COL5A2: variants seen among roughly 807,000 people sequenced by gnomAD.
COL5A2 encodes the protein collagen type V alpha 2 chain, also known as collagen alpha-2(V) chain.
Under a neutral mutation model 208.2 loss-of-function variants are expected in COL5A2, and 23 were observed. That is an observed-to-expected ratio of 0.11 (90% CI 0.08 to 0.16). COL5A2 has a LOEUF of 0.16. Ranked by LOEUF, COL5A2 falls within the 10% of genes least tolerant of loss-of-function variation. COL5A2 has a pLI of 1.00. For synonymous variants in COL5A2, 625 were observed against 628.5 expected (o/e 0.99, Z 0.08); for missense variants, 1,590 against 1,956.4 (o/e 0.81, Z 3.53).
chr2:189,373,594 C>CT, the COL5A2 span, among the ~76,000 whole-genome samples: 3 of 152,178 alleles, frequency 2.0e-5, no homozygotes, highest in Admixed American at 1.3e-4. Flanking sequence ...CACTTTGTAC[C>CT]TTTTTTGTAC....
In COL5A2 at chr2:189,110,381, G is replaced by A. The variant is rs1687237611; in HGVS notation, c.166C>T (p.Pro56Ser). ...QMYLNRDIWK[P>S]APCQICVCDN... is the part of the protein sequence containing the mutation. ...CAGACACAGATCTGACAAGGGGCAG[G>A]TTTCCAAATGTCCCTGTTTAAGTAC... Residue 56 changes from proline to serine, a missense_variant, in exon 2 of 54, where the codon CCT becomes TCT. Pro to Ser is a moderately conservative substitution (Grantham distance 74). Coordinates refer to ENST00000374866, the MANE Select transcript of COL5A2 (RefSeq NM_000393.5). The A allele has an allele frequency of 6.2e-6, 10 of 1,614,022 alleles. No individual in the cohort carries two copies. The highest frequency in any genetic ancestry group is 4.4e-5 in the South Asian group (4 of 91,090).
the COL5A2 span, among the ~76,000 whole-genome samples, chr2:189,414,243 A>G: frequency 6.6e-6 from 1 of 152,196 alleles, no homozygotes; most frequent in Non-Finnish European, 1.5e-5. Context: ...ATTTACATAC[A>G]ACCCTCTTGA....
chr2:189,280,840 T>C, the COL5A2 span, among the ~76,000 whole-genome samples: 1 of 152,090 alleles, frequency 6.6e-6, no homozygotes, highest in Non-Finnish European at 1.5e-5. Flanking sequence ...GCAACTATTT[T>C]ACTTTGGACT....
At chr2:189,104,617 G>T (rs899357338) in intron 2 of COL5A2, among the ~76,000 whole-genome samples, 7 of 151,770 alleles carry the variant, frequency 4.6e-5, no homozygotes, top group Middle Eastern at 3.4e-3. Context: ...TTATGAGCAA[G>T]GCTGTTTATT....
intron 7 of COL5A2, among the ~76,000 whole-genome samples, chr2:189,090,542 C>T (rs1238880430): frequency 6.6e-6 from 1 of 152,214 alleles, no homozygotes; most frequent in African/African-American, 2.4e-5. Flanking sequence ...AAGAAGATGC[C>T]ATCTAGGACT....
the COL5A2 span, among the ~76,000 whole-genome samples, chr2:189,309,712 G>A: frequency 6.6e-6 from 1 of 152,132 alleles, no homozygotes; most frequent in East Asian, 1.9e-4. Context: ...GTCTTCTGAG[G>A]AGGCAAGAAT....
At chr2:189,068,542 T>G (rs1484204429) in intron 19 of COL5A2, among the ~76,000 whole-genome samples, 2 of 152,118 alleles carry the variant, frequency 1.3e-5, no homozygotes, top group East Asian at 3.9e-4. Context: ...TATTTCAAAA[T>G]AGCTAGAAAA....
intron 23 of COL5A2, among the ~76,000 whole-genome samples, 154 bp downstream of exon 23, chr2:189,066,232 TAGTC>T (rs928997878): frequency 1.3e-5 from 2 of 152,272 alleles, no homozygotes; most frequent in Admixed American, 1.3e-4. Flanking sequence ...GAATAATGAT[TAGTC>T]AGTTGGCTCT....
At chr2:189,069,360 G>C (rs1686221081) in intron 18 of COL5A2, among the ~76,000 whole-genome samples, 1 of 152,060 alleles carries the variant, frequency 6.6e-6, no homozygotes, top group Non-Finnish European at 1.5e-5. Context: ...TCAAAGAATA[G>C]ATATTCTTAA....
At position 189,190,603 on chromosome 2, in the gene COL5A2, T is replaced by C. The variant is rs115569373; in HGVS notation, c.-42+34545A>G. ...ACCACAATGTACTTAATTTCCTAGA[T>C]TTTTCTCAGTATTCTACTCCATTTT... On this transcript the variant is annotated intron_variant, in intron 1 of 10. Coordinates refer to the COL5A2 transcript ENST00000649966. Among the ~76,000 whole-genome samples, 893 of 152,334 alleles carry C rather than the reference T, an allele frequency of 5.9e-3. 15 individuals are homozygous for C. Among genetic ancestry groups the C allele is most frequent in the African/African-American group, 0.019 (792 of 41,574 alleles).
At chr2:189,367,202 T>C in the COL5A2 span, among the ~76,000 whole-genome samples, 1 of 152,132 alleles carries the variant, frequency 6.6e-6, no homozygotes. Flanking sequence ...TAGGAGTATA[T>C]CTGATATTTT....
chr2:189,364,424 C>T, the COL5A2 span, among the ~76,000 whole-genome samples: 1 of 152,186 alleles, frequency 6.6e-6, no homozygotes, highest in African/African-American at 2.4e-5. Flanking sequence ...CGGTGGCTCA[C>T]GCCTCTAATC....
At chr2:189,163,433 T>C (rs1450038349) in intron 1 of COL5A2, among the ~76,000 whole-genome samples, 1 of 152,234 alleles carries the variant, frequency 6.6e-6, no homozygotes, top group Non-Finnish European at 1.5e-5. Context: ...TCAGTTAATA[T>C]GAAAAATTTG....
At chr2:189,438,068 G>A in the COL5A2 span, among the ~76,000 whole-genome samples, 9 of 151,702 alleles carry the variant, frequency 5.9e-5, no homozygotes, top group Admixed American at 2.6e-4. Flanking sequence ...AAAGCAATGC[G>A]TGAAGGACTT....
At chr2:189,075,300 C>T (rs1686380614) in intron 17 of COL5A2, 93 bp downstream of exon 17, 9 of 869,738 alleles carry the variant, frequency 1.0e-5, no homozygotes, top group Non-Finnish European at 1.5e-5. Flanking sequence ...AAGTGTCTGG[C>T]ATGTGGTGAG....
the COL5A2 span, among the ~76,000 whole-genome samples, chr2:189,281,083 CA>C: frequency 6.6e-6 from 1 of 151,986 alleles, no homozygotes; most frequent in African/African-American, 2.4e-5. Flanking sequence ...GGTTAATTTG[CA>C]TTATTTACCA....
At position 189,217,302 on chromosome 2, in the gene COL5A2, C is replaced by T. The variant is rs139916929; in HGVS notation, c.-42+7846G>A. 2.2e-4 allele frequency among the ~76,000 whole-genome samples: 34 copies of T among 151,998 alleles called. 1 individual carries two copies. The highest frequency in any genetic ancestry group is 3.4e-3 in the Middle Eastern group (1 of 292). ...TGCCCTTCTGAGCTCTGGGATATGC[C>T]GCAGCAATGTGTGCACATAATCATA... On this transcript the variant is annotated intron_variant, in intron 1 of 10. Transcript: ENST00000649966.
chr2:189,287,101 T>C, the COL5A2 span, among the ~76,000 whole-genome samples: 3 of 152,028 alleles, frequency 2.0e-5, no homozygotes, highest in African/African-American at 4.8e-5. Flanking sequence ...TGGAATGCAG[T>C]AGTTAAGAAC....
chr2:189,311,944 C>T, the COL5A2 span: 1 of 767,286 alleles, frequency 1.3e-6, no homozygotes, highest in Non-Finnish European at 2.3e-6. Flanking sequence ...TCTCTGTCTC[C>T]AGCTGCAGCC....
Sources: gnomAD v4.1 joint callset for allele counts (sites outside exome capture counted in the v4.1 genomes callset) on GRCh38, gnomAD v4.1.1 for gene constraint, MANE v1.5 for transcripts, NCBI Gene and HGNC (gene_info 2026-07-23, HGNC 2026-07-21) for gene names.